Variants in RBFOX3 observed in about 807,000 individuals in gnomAD.
RBFOX3 encodes the protein RNA binding fox-1 homolog 3.
Under a neutral mutation model 48.7 loss-of-function variants are expected in RBFOX3, and 17 were observed. That is an observed-to-expected ratio of 0.35 (90% CI 0.24 to 0.52). The LOEUF (loss-of-function observed/expected upper bound fraction) is 0.52. Ranked by LOEUF, RBFOX3 falls within the 20% of genes least tolerant of loss-of-function variation. The pLI is 0.94. For missense variants in RBFOX3, 382 were observed against 497.5 expected, an observed-to-expected ratio of 0.77 and a Z score of 2.21; for synonymous variants, 212 against 209.5, an observed-to-expected ratio of 1.01 and a Z score of -0.10.
At chr17:79,319,956 C>CTGGTCTATGTCTGGGCTGT (rs2078245550) in intron 2 of RBFOX3, among the ~76,000 whole-genome samples, 6 of 144,996 alleles carry the variant, frequency 4.1e-5, no homozygotes, top group Non-Finnish European at 7.5e-5. Flanking sequence ...GTCCAGGCTG[C>CTGGTCTATGTCTGGGCTGT]TGGTCTTGTC....
intron 2 of RBFOX3, among the ~76,000 whole-genome samples, chr17:79,460,223 G>A (rs182558327): frequency 3.3e-4 from 50 of 152,104 alleles, no homozygotes; most frequent in Non-Finnish European, 5.4e-4. Context: ...CCACTGAATC[G>A]CACCCTTTGA....
At chr17:79,262,448 C>T (rs983832882) in intron 3 of RBFOX3, among the ~76,000 whole-genome samples, 2 of 152,286 alleles carry the variant, frequency 1.3e-5, no homozygotes, top group Non-Finnish European at 1.5e-5. Flanking sequence ...TGAATTCCAC[C>T]TCGGTCGTTC....
At chr17:79,178,003 C>T (rs2050980521) in intron 4 of RBFOX3, among the ~76,000 whole-genome samples, 1 of 152,104 alleles carries the variant, frequency 6.6e-6, no homozygotes, top group Non-Finnish European at 1.5e-5. Flanking sequence ...TGCGCACAGC[C>T]CACATGCCCC....
At chr17:79,310,497 C>A (rs2076694656) in intron 2 of RBFOX3, among the ~76,000 whole-genome samples, 1 of 152,138 alleles carries the variant, frequency 6.6e-6, no homozygotes, top group East Asian at 1.9e-4. Context: ...TGGGCCCCTC[C>A]CACCCCTCTC....
chr17:79,630,397 G>A, the RBFOX3 span, among the ~76,000 whole-genome samples: 1 of 152,192 alleles, frequency 6.6e-6, no homozygotes, highest in Non-Finnish European at 1.5e-5. Flanking sequence ...GTTGTTCAGT[G>A]GCCAGATGCA....
chr17:79,112,400 T>C (rs997159934), intron 5 of RBFOX3, among the ~76,000 whole-genome samples: 1 of 152,052 alleles, frequency 6.6e-6, no homozygotes, highest in Non-Finnish European at 1.5e-5. Flanking sequence ...TTCCCACCAA[T>C]TGCTGGCTGG....
chr17:79,362,286 C>A lies in RBFOX3; in HGVS notation c.-174-54462G>T, dbSNP rs1486965237. Among the ~76,000 whole-genome samples the A allele has an allele frequency of 6.6e-6, 1 of 152,246 alleles. No homozygotes were observed. The highest frequency in any genetic ancestry group is 1.9e-4 in the East Asian group (1 of 5,200). Reference sequence around the variant, plus strand: ...TTGGGAAAATGCATCTGTCTCCCTGCGTTTCTCTGAAGCCAGAATCCCGGC... The same window carrying A: ...TTGGGAAAATGCATCTGTCTCCCTGAGTTTCTCTGAAGCCAGAATCCCGGC... On this transcript the variant is annotated intron_variant, in intron 2 of 14. Coordinates refer to ENST00000693108, the MANE Select transcript of RBFOX3 (RefSeq NM_001350451.2). The surrounding 1 kb of genome is among the most constrained non-coding windows in gnomAD (Gnocchi z 4.2).
rs1007217969 is a variant in RBFOX3, at chr17:79,391,169, C to A, written c.-174-83345G>T. On this transcript the variant is annotated intron_variant, in intron 2 of 14. Transcript: ENST00000693108. This position sits in a 1 kb window ranked among gnomAD's most constrained non-coding sequence, Gnocchi z 5.0. The stretch of plus-strand genomic sequence containing the variant: ...AGTCTGATTAACTTTTCTAAAACCT[C>A]ACTACCACTGTATCAAACTCCAGCT... Among the ~76,000 whole-genome samples, 1 of 152,150 alleles carries A rather than the reference C, an allele frequency of 6.6e-6. No individual in the cohort carries two copies. The highest frequency in any genetic ancestry group is 1.5e-5 in the Non-Finnish European group (1 of 68,038).
At chr17:79,610,434 T>TGCC (rs1285452612) in intron 1 of RBFOX3, among the ~76,000 whole-genome samples, 2,613 of 151,656 alleles carry the variant, frequency 0.017, 30 homozygotes, top group Middle Eastern at 0.038. Context: ...CCGGGCATTG[T>TGCC]GCCGCCGCCG....
intron 4 of RBFOX3, among the ~76,000 whole-genome samples, chr17:79,227,417 A>G (rs2060435973): frequency 6.6e-6 from 1 of 152,126 alleles, no homozygotes; most frequent in Non-Finnish European, 1.5e-5. Flanking sequence ...AGAGGGGGTG[A>G]GTATTGTTTG....
At chr17:79,340,844 G>A (rs2146651276) in intron 2 of RBFOX3, among the ~76,000 whole-genome samples, 1 of 152,340 alleles carries the variant, frequency 6.6e-6, no homozygotes, top group Admixed American at 6.5e-5. Flanking sequence ...GGGAAAGGGT[G>A]TATTTATAAA....
At chr17:79,656,830 A>AGAG in the RBFOX3 span, among the ~76,000 whole-genome samples, 1 of 140,670 alleles carries the variant, frequency 7.1e-6, no homozygotes, top group Non-Finnish European at 1.5e-5. Context: ...AGAAAGAAAG[A>AGAG]AAAGAAAGAA....
rs1285452612 is a variant in RBFOX3 at position 79,610,434 on chromosome 17, TGCC to T, written c.-320+389_-320+391del. 5.3e-5 allele frequency among the ~76,000 whole-genome samples: 8 copies of T among 151,664 alleles called. No individual in the cohort carries two copies. In the East Asian group the frequency reaches 1.2e-3, roughly 22 times the overall value. ...GGGGAGTTCCCCGCGCCGGGCATTGTGCCGCCGCCGCCGCCGCCACAGCCACCA... is the reference window on the plus strand; with the variant it reads ...GGGGAGTTCCCCGCGCCGGGCATTGTGCCGCCGCCGCCGCCACAGCCACCA... On this transcript the variant is annotated intron_variant, in intron 1 of 14. Transcript: ENST00000693108.
chr17:79,631,953 G>A, the RBFOX3 span, among the ~76,000 whole-genome samples: 19 of 152,322 alleles, frequency 1.2e-4, no homozygotes, highest in East Asian at 1.4e-3. Flanking sequence ...AACAGCTCAC[G>A]GACAGCAGAG....
At chr17:79,244,218 A>G (rs1202528237) in intron 3 of RBFOX3, among the ~76,000 whole-genome samples, 1 of 152,166 alleles carries the variant, frequency 6.6e-6, no homozygotes, top group African/African-American at 2.4e-5. Context: ...GGACACAGAG[A>G]GACACGCATT....
At chr17:79,345,372 T>C (rs1404572954) in intron 2 of RBFOX3, among the ~76,000 whole-genome samples, 1 of 152,252 alleles carries the variant, frequency 6.6e-6, no homozygotes, top group Non-Finnish European at 1.5e-5. Context: ...TTGGTCTTGC[T>C]AGATAGAAGT....
chr17:79,584,653 G>A lies in RBFOX3; in HGVS notation c.-320+26173C>T, dbSNP rs972989460. 1.7e-3 allele frequency among the ~76,000 whole-genome samples: 253 copies of A among 152,302 alleles called. 1 individual carries two copies. The highest frequency in any genetic ancestry group is 2.4e-3 in the Non-Finnish European group (165 of 68,032). Reference sequence around the variant, plus strand: ...ATGGAACTGGAGACTATTATTCTAAGTGAAGTAACTCAGGAATGGAAAACC... The same window carrying A: ...ATGGAACTGGAGACTATTATTCTAAATGAAGTAACTCAGGAATGGAAAACC... On this transcript the variant is annotated intron_variant, in intron 1 of 14. Transcript: ENST00000693108.
Position 79,535,155 on chromosome 17 carries a change from A to G in RBFOX3, c.-319-52557T>C, listed in dbSNP as rs1256828963. 2.6e-5 allele frequency among the ~76,000 whole-genome samples: 4 copies of G among 152,180 alleles called. No homozygotes were observed. ...CAGCCCCTCTCTATGCCACAAGGAC[A>G]CAGGTCCTGTCTCCTGCCTGCTCTG... On this transcript the variant is annotated intron_variant, in intron 1 of 14. Coordinates refer to ENST00000693108, the MANE Select transcript of RBFOX3 (RefSeq NM_001350451.2). This position sits in a 1 kb window ranked among gnomAD's most constrained non-coding sequence, Gnocchi z 4.5.
chr17:79,549,639 GC>G (rs2090933168), intron 1 of RBFOX3, among the ~76,000 whole-genome samples: 1 of 152,236 alleles, frequency 6.6e-6, no homozygotes, highest in Non-Finnish European at 1.5e-5. Context: ...AGTGGGGCAG[GC>G]CTGAGGCCTT....
Sources: gnomAD v4.1 joint callset for allele counts (sites outside exome capture counted in the v4.1 genomes callset) on GRCh38, gnomAD v4.1.1 for gene constraint, Gnocchi (gnomAD v3.1) non-coding constraint, MANE v1.5 for transcripts, NCBI Gene and HGNC (gene_info 2026-07-23, HGNC 2026-07-21) for gene names.